The following DMXL1 variants were observed in gnomAD, a reference collection of about 807,000 sequenced individuals.
The protein encoded by DMXL1 is Dmx like 1.
A neutral mutation model predicts 319.2 loss-of-function variants in DMXL1; 99 were observed. The observed-to-expected ratio is 0.31, with a 90% CI of 0.26 to 0.37. The LOEUF (loss-of-function observed/expected upper bound fraction) is 0.37. Among genes scored for constraint, DMXL1 ranks in the 10% least tolerant of loss-of-function variants. DMXL1 has a pLI of 1.00. For synonymous variants in DMXL1, 1,385 were observed against 1,235.2 expected (o/e 1.12, Z -2.54); for missense variants, 3,745 against 3,595.6 (o/e 1.04, Z -1.06).
At chr5:119,190,865 A>G (rs1041439315) in intron 29 of DMXL1, among the ~76,000 whole-genome samples, 1 of 152,242 alleles carries the variant, frequency 6.6e-6, no homozygotes, top group African/African-American at 2.4e-5. Context: ...TGCAAAGAAC[A>G]GTATGTTGGA....
chr5:119,232,221 G>A (rs1429642072), intron 38 of DMXL1, among the ~76,000 whole-genome samples: 2 of 152,094 alleles, frequency 1.3e-5, no homozygotes, highest in Non-Finnish European at 2.9e-5. Context: ...TTATTTTTCT[G>A]ATTAAGCTAT....
At chr5:119,077,179 G>T (rs191817634) in intron 1 of DMXL1, among the ~76,000 whole-genome samples, 17 of 143,804 alleles carry the variant, frequency 1.2e-4, no homozygotes, top group Admixed American at 5.3e-4. Flanking sequence ...TTTTTTTGAG[G>T]CAGGATCTTG....
chr5:119,092,310 G>C (rs188132920), intron 1 of DMXL1, among the ~76,000 whole-genome samples: 1 of 150,702 alleles, frequency 6.6e-6, no homozygotes, highest in Admixed American at 6.6e-5. Context: ...TTTTCACATA[G>C]GGTCTTGCTG....
intron 39 of DMXL1, among the ~76,000 whole-genome samples, chr5:119,234,684 G>A (rs994297456): frequency 1.3e-5 from 2 of 152,050 alleles, no homozygotes; most frequent in Non-Finnish European, 2.9e-5. Flanking sequence ...CTCTATCAAT[G>A]TGCTTTTTGT....
intron 9 of DMXL1, among the ~76,000 whole-genome samples, chr5:119,124,653 C>T (rs373839943): frequency 4.7e-5 from 7 of 149,990 alleles, no homozygotes; most frequent in African/African-American, 1.7e-4. Flanking sequence ...GCAACCTCTG[C>T]CTCTCGGGTT....
intron 13 of DMXL1, among the ~76,000 whole-genome samples, chr5:119,142,096 T>A (rs1767504885): frequency 6.6e-6 from 1 of 152,110 alleles, no homozygotes; most frequent in Non-Finnish European, 1.5e-5. Flanking sequence ...CCTTACATCA[T>A]ATACAGAAAT....
chr5:119,195,045 T>C (rs1358959189), intron 30 of DMXL1, among the ~76,000 whole-genome samples: 1 of 151,880 alleles, frequency 6.6e-6, no homozygotes, highest in African/African-American at 2.4e-5. Context: ...ACATCTCATA[T>C]GCATTAGGAT....
intron 13 of DMXL1, among the ~76,000 whole-genome samples, chr5:119,142,370 G>A (rs1368469727): frequency 6.6e-6 from 1 of 152,002 alleles, no homozygotes. Context: ...CAAAAAGTGA[G>A]TAAAGGACAT....
chr5:119,134,151 C>T lies in DMXL1; in HGVS notation c.2227C>T (p.Pro743Ser). The T allele has an allele frequency of 6.2e-7, 1 of 1,613,880 alleles. No homozygotes were observed. Among genetic ancestry groups the T allele is most frequent in the Non-Finnish European group, 8.5e-7 (1 of 1,179,982 alleles). Residue 743 changes from proline (P) to serine (S), a missense_variant, in exon 12 of 44, where the codon CCC becomes TCC. Pro to Ser is a moderately conservative substitution (Grantham distance 74, BLOSUM62 -1). Around this residue, in one of 4 missense-constraint regions of DMXL1, gnomAD observed 2,096 missense variants for 1,985.4 expected, o/e 1.06. Coordinates refer to ENST00000539542, the MANE Select transcript of DMXL1 (RefSeq NM_001290321.3). ...TGCCTTTTCCAATGTGGCATGGCTG[C>T]CCACTCTTATACCCAGTTATTGTCT... is the stretch of plus-strand genomic sequence containing the variant. ...VSAFSNVAWL[P>S]TLIPSYCLGA...
intron 19 of DMXL1, among the ~76,000 whole-genome samples, chr5:119,154,196 A>G (rs1770483218): frequency 6.6e-6 from 1 of 152,222 alleles, no homozygotes; most frequent in Admixed American, 6.5e-5. Context: ...ATGTCTTCTA[A>G]GTGTTCAAGT....
chr5:119,146,853 A>C lies in DMXL1; in HGVS notation c.2586A>C (p.Gly862=), dbSNP rs1768660973. 4.3e-6 allele frequency: 7 copies of C among 1,611,430 alleles called. No individual in the cohort carries two copies. The South Asian group carries it at 5.5e-5, about 13-fold the overall frequency. ...TACCAACAGGCAGCTCACCTAATGG[A>C]TTTTCTGAGAAGTTCTACCTAATTG... is the stretch of plus-strand genomic sequence containing the variant. ...ILSNAGSSPN[G]FSEKFYLIVI... The change falls in exon 16 of 44, where the codon GGA becomes GGC. Residue 862 remains glycine (G), a synonymous_variant. Coordinates refer to ENST00000539542, the MANE Select transcript of DMXL1 (RefSeq NM_001290321.3).
At chr5:119,165,304 AGGG>A in intron 21 of DMXL1, 24 bp downstream of exon 21, 2 of 965,750 alleles carry the variant, frequency 2.1e-6, no homozygotes, top group South Asian at 1.6e-5. Context: ...AAAAAAAAAA[AGGG>A]TGCTTCAATG....
chr5:119,082,917 TCCACTTTTGTAGCTC>T (rs1752556089), intron 1 of DMXL1, among the ~76,000 whole-genome samples: 1 of 152,232 alleles, frequency 6.6e-6, no homozygotes, highest in South Asian at 2.1e-4. Context: ...CTTTATGAGA[TCCACTTTTGTAGCTC>T]CCACATATGA....
At chr5:119,089,379 C>T (rs1360008664) in intron 1 of DMXL1, among the ~76,000 whole-genome samples, 1 of 135,468 alleles carries the variant, frequency 7.4e-6, no homozygotes, top group Non-Finnish European at 1.5e-5. Flanking sequence ...GATCTCAGCT[C>T]ACTGCAACCT....
intron 33 of DMXL1, among the ~76,000 whole-genome samples, chr5:119,206,185 T>C (rs1439829750): frequency 6.6e-6 from 1 of 152,186 alleles, no homozygotes; most frequent in Middle Eastern, 3.4e-3. Context: ...AATAAAAAAT[T>C]GGGACTTGAC....
In DMXL1 at chr5:119,177,360, A is replaced by C; in HGVS notation, c.6762A>C (p.Ser2254=). ...QCLCGSHNYS[S]FQTNQFTGMV... The stretch of plus-strand genomic sequence containing the variant: ...AAATATTGTTTTTTTCTCTTAGTTC[A>C]TTTCAGACGAATCAGTTTACTGGAA... The change falls in exon 27 of 44, where the codon TCA becomes TCC. Residue 2254 remains serine, a synonymous_variant. Coordinates refer to ENST00000539542, the MANE Select transcript of DMXL1 (RefSeq NM_001290321.3). 2 of 1,540,776 alleles carry C rather than the reference A, an allele frequency of 1.3e-6. No individual in the cohort carries two copies. Among genetic ancestry groups the C allele is most frequent in the Non-Finnish European group, 1.7e-6 (2 of 1,144,882 alleles).
chr5:119,150,825 A>G (rs926064937), intron 18 of DMXL1, among the ~76,000 whole-genome samples: 1 of 151,790 alleles, frequency 6.6e-6, no homozygotes, highest in African/African-American at 2.4e-5. Context: ...TTTTTTGGAA[A>G]CATCTTTGCT....
intron 9 of DMXL1, chr5:119,128,381 G>C (rs1764066494): frequency 4.2e-6 from 1 of 239,090 alleles, no homozygotes; most frequent in Non-Finnish European, 8.5e-6. Flanking sequence ...GGGTTCTTCC[G>C]TTGAGCTACC....
rs745762849 is a variant in DMXL1 at position 119,189,747 on chromosome 5, G to C, written c.7175G>C (p.Arg2392Pro). ...LVEEGEKQNK[R>P]FRPSKMSCRE... ...GAAGAAGGAGAAAAACAGAACAAAC[G>C]TTTTAGGCCGTCAAAAATGTCTTGC... Residue 2392 changes from arginine (R) to proline (P), a missense_variant, in exon 29 of 44, where the codon CGT becomes CCT. Coordinates refer to ENST00000539542, the MANE Select transcript of DMXL1 (RefSeq NM_001290321.3). 1 of 1,613,844 alleles carries C rather than the reference G, an allele frequency of 6.2e-7. No homozygotes were observed. Among genetic ancestry groups the C allele is most frequent in the African/African-American group, 1.3e-5 (1 of 74,882 alleles).
Sources: gnomAD v4.1 joint callset for allele counts (sites outside exome capture counted in the v4.1 genomes callset) on GRCh38, gnomAD v4.1.1 for gene constraint, gnomAD v4.1.1 regional missense constraint, MANE v1.5 for transcripts, NCBI Gene and HGNC (gene_info 2026-07-23, HGNC 2026-07-21) for gene names.